The following LMO1 variants were observed in gnomAD, a reference collection of about 807,000 sequenced individuals.
LMO1 encodes the protein rhombotin-1.
In LMO1, 10 loss-of-function variants were observed where a neutral mutation model predicts 18.0. The observed-to-expected ratio is 0.55, with a 90% CI of 0.34 to 0.94. The LOEUF (loss-of-function observed/expected upper bound fraction) is 0.94. LMO1 is among the 40% of genes least tolerant of loss of function. The probability of loss-of-function intolerance (pLI) is 0.02; values close to 1 mark genes in which losing one functional copy is unlikely to be tolerated. For missense variants in LMO1, 183 were observed against 205.7 expected, an observed-to-expected ratio of 0.89 and a Z score of 0.68; for synonymous variants, 77 against 77.9, an observed-to-expected ratio of 0.99 and a Z score of 0.06.
intron 1 of LMO1, among the ~76,000 whole-genome samples, chr11:8,233,427 A>G (rs1952705367): frequency 6.6e-6 from 1 of 152,188 alleles, no homozygotes; most frequent in Non-Finnish European, 1.5e-5. Context: ...TCATCTGCCC[A>G]TAAGAAAAAC....
intron 3 of LMO1, among the ~76,000 whole-genome samples, chr11:8,226,018 A>T (rs1272642972): frequency 6.6e-6 from 1 of 152,240 alleles, no homozygotes; most frequent in Non-Finnish European, 1.5e-5. Flanking sequence ...ACCAGAAAAT[A>T]GGCTGGGCTG....
chr11:8,229,649 T>C (rs540652826), intron 2 of LMO1, among the ~76,000 whole-genome samples: 1 of 152,300 alleles, frequency 6.6e-6, no homozygotes, highest in East Asian at 1.9e-4. Flanking sequence ...CTCAGAGGAA[T>C]GCAAGGCAGG....
chr11:8,255,888 G>T (rs4758055), intron 1 of LMO1, among the ~76,000 whole-genome samples: 2 of 144,588 alleles, frequency 1.4e-5, no homozygotes, highest in African/African-American at 2.6e-5. Context: ...TGCAGTGGCG[G>T]GATCTCGGCT....
chr11:8,228,723 T>C (rs1050780991), intron 2 of LMO1, among the ~76,000 whole-genome samples: 1 of 151,940 alleles, frequency 6.6e-6, no homozygotes, highest in Non-Finnish European at 1.5e-5. Flanking sequence ...GGGTGCTTTT[T>C]CCTGATAAGC....
At chr11:8,260,327 T>C (rs1847164901) in intron 1 of LMO1, among the ~76,000 whole-genome samples, 1 of 152,124 alleles carries the variant, frequency 6.6e-6, no homozygotes, top group Admixed American at 6.5e-5. Context: ...AGAAGGGCTG[T>C]TTCTCCGGGA....
chr11:8,232,304 T>TG (rs1318055231), intron 1 of LMO1, among the ~76,000 whole-genome samples: 1 of 152,214 alleles, frequency 6.6e-6, no homozygotes, highest in East Asian at 1.9e-4. Context: ...TCCTCGGGCC[T>TG]GCCTGTGTCT....
chr11:8,249,993 CT>C (rs1425454404), intron 1 of LMO1, among the ~76,000 whole-genome samples: 3 of 152,148 alleles, frequency 2.0e-5, no homozygotes, highest in Admixed American at 2.0e-4. Context: ...AATTTAATTC[CT>C]TGATCACTTT....
At chr11:8,264,931 G>A (rs758037362), upstream of LMO1, among the ~76,000 whole-genome samples, 4 of 152,198 alleles carry the variant, frequency 2.6e-5, no homozygotes, top group Non-Finnish European at 5.9e-5. Flanking sequence ...GCGCCTGGCC[G>A]GAAGGCCACC....
rs1358187236 is a variant in LMO1 at position 8,226,856 on chromosome 11, C to T, written c.365+119G>A. 2.8e-6 allele frequency: 4 copies of T among 1,442,384 alleles called. No individual in the cohort carries two copies. In the African/African-American group the frequency reaches 5.7e-5, roughly 20 times the overall value. The allele number at this position is 1,442,384 out of a possible 1,614,324, so 89.3% of individuals were successfully genotyped here. Reference sequence around the variant, plus strand: ...GCACGCTCATAACCTGCACGCACCACCACATACACACACGCAACCCGCATT... The same window carrying T: ...GCACGCTCATAACCTGCACGCACCATCACATACACACACGCAACCCGCATT... On this transcript the variant is annotated intron_variant, in intron 3 of 3. Transcript: ENST00000335790.
intron 3 of LMO1, 175 bp downstream of exon 3, chr11:8,226,800 C>G: frequency 7.9e-7 from 1 of 1,260,712 alleles, no homozygotes; most frequent in Non-Finnish European, 1.0e-6. Flanking sequence ...GGCTACCGAG[C>G]TTACACACAC....
intron 1 of LMO1, among the ~76,000 whole-genome samples, chr11:8,239,774 A>G (rs1846752507): frequency 6.6e-6 from 1 of 152,166 alleles, no homozygotes. Context: ...TCTAAGTGCC[A>G]AGCTTCTCCT....
At chr11:8,266,620 G>A (rs1255463791), upstream of LMO1, among the ~76,000 whole-genome samples, 2 of 152,240 alleles carry the variant, frequency 1.3e-5, no homozygotes, top group African/African-American at 2.4e-5. Flanking sequence ...GGGTGCTACT[G>A]GCTGTCTTAC....
chr11:8,225,022 GT>G (rs1490386136), intron 3 of LMO1, among the ~76,000 whole-genome samples: 2 of 152,060 alleles, frequency 1.3e-5, no homozygotes, highest in African/African-American at 4.8e-5. Flanking sequence ...GGTTAGGGGG[GT>G]TGGTGGAGAG....
At chr11:8,230,050 G>A (rs1952624193) in intron 2 of LMO1, among the ~76,000 whole-genome samples, 1 of 152,210 alleles carries the variant, frequency 6.6e-6, no homozygotes, top group South Asian at 2.1e-4. Context: ...GGGGCCCCAG[G>A]TTACAAATGC....
intron 2 of LMO1, among the ~76,000 whole-genome samples, chr11:8,227,824 C>T (rs1952575017): frequency 6.6e-6 from 1 of 152,158 alleles, no homozygotes; most frequent in Admixed American, 6.5e-5. Context: ...TTTAACATTA[C>T]AGTGTTTATT....
intron 1 of LMO1, among the ~76,000 whole-genome samples, chr11:8,260,112 C>T (rs1159716897): frequency 6.6e-6 from 1 of 152,148 alleles, no homozygotes; most frequent in East Asian, 1.9e-4. Flanking sequence ...TGCCCAGTCC[C>T]CCACAGACCA....
chr11:8,239,103 C>G (rs1283613681), intron 1 of LMO1, among the ~76,000 whole-genome samples: 1 of 152,196 alleles, frequency 6.6e-6, no homozygotes, highest in Non-Finnish European at 1.5e-5. Flanking sequence ...AGTCATGCAG[C>G]TAGGAGGCTG....
At chr11:8,251,374 C>T (rs1240701879) in intron 1 of LMO1, among the ~76,000 whole-genome samples, 6 of 152,172 alleles carry the variant, frequency 3.9e-5, no homozygotes, top group Non-Finnish European at 5.9e-5. Context: ...CCTGCTCCCA[C>T]GTGAGGAACT....
chr11:8,243,002 C>A (rs1284706104), intron 1 of LMO1, among the ~76,000 whole-genome samples: 2 of 152,210 alleles, frequency 1.3e-5, no homozygotes, highest in African/African-American at 4.8e-5. Flanking sequence ...GTCCTGCTTC[C>A]TTCTTGAAGC....
Sources: gnomAD v4.1 joint callset for allele counts (sites outside exome capture counted in the v4.1 genomes callset) on GRCh38, gnomAD v4.1.1 for gene constraint, MANE v1.5 for transcripts, NCBI Gene and HGNC (gene_info 2026-07-23, HGNC 2026-07-21) for gene names.